Variants in DLGAP4 observed in about 807,000 individuals in gnomAD.
DLGAP4 encodes disks large-associated protein 4.
In DLGAP4, 18 loss-of-function variants were observed where a neutral mutation model predicts 86.9. That is an observed-to-expected ratio of 0.21 (90% CI 0.14 to 0.31). DLGAP4 has a LOEUF of 0.31. Among genes scored for constraint, DLGAP4 ranks in the 10% least tolerant of loss-of-function variants. The pLI is 1.00. For synonymous variants in DLGAP4, 548 were observed against 574.3 expected (o/e 0.95, Z 0.65); for missense variants, 1,085 against 1,362.6 (o/e 0.80, Z 3.21).
chr20:36,505,793 A>G (rs979316179), intron 10 of DLGAP4, among the ~76,000 whole-genome samples: 3 of 152,178 alleles, frequency 2.0e-5, no homozygotes, highest in Admixed American at 6.5e-5. Flanking sequence ...GGAAAAAATC[A>G]TAAGGAAGAG....
In DLGAP4 at chr20:36,394,460, G is replaced by A. The variant is rs181248032; in HGVS notation, c.-73+27185G>A. ...CTGCCCCCTTCCTTACTCCTAAGAC[G>A]GACTCCATGGTCCCCATCTCCCCCG... is the stretch of plus-strand genomic sequence containing the variant. On this transcript the variant is annotated intron_variant, in intron 2 of 12. Coordinates refer to ENST00000339266, the MANE Select transcript of DLGAP4 (RefSeq NM_001365621.2). Among the ~76,000 whole-genome samples, 25 of 152,236 alleles carry A rather than the reference G, an allele frequency of 1.6e-4. No homozygotes were observed. In the East Asian group the frequency reaches 4.3e-3, roughly 26 times the overall value.
chr20:36,520,745 T>TC (rs1222170436), intron 10 of DLGAP4, among the ~76,000 whole-genome samples: 2 of 152,010 alleles, frequency 1.3e-5, no homozygotes, highest in African/African-American at 4.8e-5. Flanking sequence ...TTTTTTTTTT[T>TC]CCCCTTCTTT....
intron 2 of DLGAP4, among the ~76,000 whole-genome samples, chr20:36,396,707 TC>T (rs1336537908): frequency 8.5e-6 from 1 of 117,976 alleles, no homozygotes; most frequent in African/African-American, 3.1e-5. Context: ...GAACTTTTGA[TC>T]TTCCTCTGGG....
chr20:36,454,152 G>A (rs111546529), intron 7 of DLGAP4, among the ~76,000 whole-genome samples: 14 of 150,552 alleles, frequency 9.3e-5, no homozygotes, highest in African/African-American at 2.9e-4. Context: ...CTAGCTACTC[G>A]GGAGGCTGAG....
chr20:36,373,172 TG>T (rs2031011341), intron 2 of DLGAP4, among the ~76,000 whole-genome samples: 1 of 152,164 alleles, frequency 6.6e-6, no homozygotes, highest in African/African-American at 2.4e-5. Context: ...AGTAAGGTGA[TG>T]GAAAACCCAC....
chr20:36,356,233 A>G (rs1346702087), intron 1 of DLGAP4, among the ~76,000 whole-genome samples: 1 of 152,258 alleles, frequency 6.6e-6, no homozygotes, highest in African/African-American at 2.4e-5. Flanking sequence ...CCACAAATCC[A>G]GACAGTTGCA....
intron 7 of DLGAP4, among the ~76,000 whole-genome samples, chr20:36,454,025 T>C (rs533272760): frequency 0.01 from 1,431 of 137,852 alleles, 25 homozygotes; most frequent in African/African-American, 0.037. Context: ...AATCCCAGCA[T>C]TTTGGGAGGC....
chr20:36,460,621 G>C (rs2034000151), intron 7 of DLGAP4, among the ~76,000 whole-genome samples: 1 of 152,216 alleles, frequency 6.6e-6, no homozygotes, highest in Admixed American at 6.5e-5. Context: ...TCTGCGTCTG[G>C]CAGACCTACC....
At chr20:36,452,691 G>A (rs975133948) in intron 7 of DLGAP4, among the ~76,000 whole-genome samples, 5 of 151,606 alleles carry the variant, frequency 3.3e-5, no homozygotes, top group African/African-American at 1.2e-4. Flanking sequence ...CAAATTTTTA[G>A]TAAAGGTGGG....
chr20:36,383,321 A>T (rs575662824), intron 2 of DLGAP4, among the ~76,000 whole-genome samples: 1 of 152,302 alleles, frequency 6.6e-6, no homozygotes, highest in East Asian at 1.9e-4. Context: ...CCAATAAAAG[A>T]CGGCCTCAGG....
intron 2 of DLGAP4, among the ~76,000 whole-genome samples, chr20:36,404,204 C>T (rs979382951): frequency 6.6e-6 from 1 of 152,142 alleles, no homozygotes; most frequent in African/African-American, 2.4e-5. Context: ...CACTCTAAAC[C>T]TCAGTTTCCC....
chr20:36,446,982 G>C (rs768142135), intron 7 of DLGAP4, 45 bp downstream of exon 7: 2 of 1,555,990 alleles, frequency 1.3e-6, no homozygotes, highest in Non-Finnish European at 1.7e-6. Context: ...TTTTCAAGGG[G>C]ACCCCAAGGA....
intron 2 of DLGAP4, among the ~76,000 whole-genome samples, chr20:36,400,688 T>C (rs1404332815): frequency 6.6e-6 from 1 of 151,970 alleles, no homozygotes; most frequent in Non-Finnish European, 1.5e-5. Flanking sequence ...AGGCTTGCCT[T>C]TGTTCGTATG....
intron 10 of DLGAP4, among the ~76,000 whole-genome samples, chr20:36,515,152 A>G (rs2036961826): frequency 1.3e-5 from 2 of 152,198 alleles, no homozygotes; most frequent in Non-Finnish European, 2.9e-5. Flanking sequence ...GCATGTCTGT[A>G]TCACACCACT....
chr20:36,489,597 A>G (rs127416), intron 7 of DLGAP4, among the ~76,000 whole-genome samples: 124,512 of 148,888 alleles, frequency 0.84, 51,250 homozygotes, highest in African/African-American at 0.89. Context: ...GCCACTGAAT[A>G]GTTTCAAACA....
At chr20:36,343,558 C>T (rs1204813927) in intron 1 of DLGAP4, among the ~76,000 whole-genome samples, 1 of 152,144 alleles carries the variant, frequency 6.6e-6, no homozygotes, top group Non-Finnish European at 1.5e-5. Flanking sequence ...CCCCTATTCC[C>T]ACCGGAGGTG....
chr20:36,525,261 A>T (rs1569527346), intron 11 of DLGAP4, among the ~76,000 whole-genome samples: 1 of 122,700 alleles, frequency 8.1e-6, no homozygotes, highest in African/African-American at 2.8e-5. Context: ...AAAACAAAGA[A>T]ATCCCACTGC....
chr20:36,509,669 G>C (rs1369230634), intron 10 of DLGAP4, among the ~76,000 whole-genome samples: 1 of 152,062 alleles, frequency 6.6e-6, no homozygotes, highest in East Asian at 1.9e-4. Context: ...AGGATTGCTC[G>C]AGTGTGGGAG....
chr20:36,524,271 C>T lies in DLGAP4; in HGVS notation c.2534C>T (p.Ala845Val). ...TCAGTCTTAGGAAAAGTCCTCAGTG[C>T]TGTGGGCAGTGCCCAGCTACTGATG... is the stretch of plus-strand genomic sequence containing the variant. Reference protein sequence around the residue: ...SEEVLGKVLSAVGSAQLLMSQ... With the variant: ...SEEVLGKVLSVVGSAQLLMSQ... The change falls in exon 11 of 13, where the codon GCT becomes GTT. Residue 845 changes from alanine (A) to valine (V), a missense_variant. Around this residue, in one of 2 missense-constraint regions of DLGAP4, gnomAD observed 1,082 missense variants for 1,344.1 expected, o/e 0.81. Coordinates refer to ENST00000339266, the MANE Select transcript of DLGAP4 (RefSeq NM_001365621.2). 1.9e-6 allele frequency: 3 copies of T among 1,614,192 alleles called. No individual in the cohort carries two copies. Among genetic ancestry groups the T allele is most frequent in the Non-Finnish European group, 2.5e-6 (3 of 1,180,012 alleles).
Sources: gnomAD v4.1 joint callset for allele counts (sites outside exome capture counted in the v4.1 genomes callset) on GRCh38, gnomAD v4.1.1 for gene constraint, gnomAD v4.1.1 regional missense constraint, MANE v1.5 for transcripts, NCBI Gene and HGNC (gene_info 2026-07-23, HGNC 2026-07-21) for gene names.